The following NOL4 variants were observed in gnomAD, a reference collection of about 807,000 sequenced individuals.
NOL4 encodes the protein nucleolar protein 4, also known as cancer/testis antigen 125.
NOL4 carries 17 observed loss-of-function variants against 75.9 expected under a neutral mutation model. The observed-to-expected ratio is 0.22, with a 90% CI of 0.15 to 0.34. NOL4 has a LOEUF of 0.34. Ranked by LOEUF, NOL4 falls within the 10% of genes least tolerant of loss-of-function variation. The pLI, the probability that NOL4 is intolerant of heterozygous loss-of-function variation, is 1.00. For missense variants in NOL4, 614 were observed against 793.5 expected, an observed-to-expected ratio of 0.77 and a Z score of 2.72; for synonymous variants, 292 against 289.9, an observed-to-expected ratio of 1.01 and a Z score of -0.07.
At chr18:34,163,382 T>C (rs9956887) in intron 1 of NOL4, among the ~76,000 whole-genome samples, 75,141 of 150,000 alleles carry the variant, frequency 0.5, 18,976 homozygotes, top group Admixed American at 0.56. Flanking sequence ...TGATAGGCAA[T>C]TTCAGCAAAG....
intron 5 of NOL4, among the ~76,000 whole-genome samples, chr18:34,029,698 C>T (rs2075537950): frequency 1.3e-5 from 2 of 152,122 alleles, no homozygotes. Flanking sequence ...TCTCTGAGGG[C>T]ACAGAAACTT....
chr18:33,985,409 A>G (rs1206590631), intron 6 of NOL4, among the ~76,000 whole-genome samples: 3 of 152,136 alleles, frequency 2.0e-5, no homozygotes, highest in African/African-American at 4.8e-5. Flanking sequence ...TTTTGATTAC[A>G]TAAAATGTTA....
At chr18:34,081,980 T>C (rs1661881856) in intron 5 of NOL4, among the ~76,000 whole-genome samples, 2 of 152,182 alleles carry the variant, frequency 1.3e-5, no homozygotes, top group Admixed American at 1.3e-4. Context: ...TTAATTTCTT[T>C]ATAACAATGC....
Position 34,062,152 on chromosome 18 carries a change from T to A in NOL4, c.772+31313A>T, listed in dbSNP as rs578027834. Among the ~76,000 whole-genome samples, 3 of 152,238 alleles carry A rather than the reference T, an allele frequency of 2.0e-5. No individual in the cohort carries two copies. In the East Asian group the frequency reaches 5.8e-4, roughly 29 times the overall value. ...CAATGAGAACATGCCGTATTTGGTA[T>A]TCTGTTCACCGACGTAACAAACCTG... On this transcript the variant is annotated intron_variant, in intron 5 of 10. Coordinates refer to ENST00000261592, the MANE Select transcript of NOL4 (RefSeq NM_003787.5).
At chr18:33,924,784 A>G (rs1258179073) in intron 9 of NOL4, among the ~76,000 whole-genome samples, 1 of 152,338 alleles carries the variant, frequency 6.6e-6, no homozygotes. Context: ...TTGTTGCTAC[A>G]TAGAGAACTA....
chr18:34,093,292 T>C (rs938176560), intron 5 of NOL4, among the ~76,000 whole-genome samples, 173 bp downstream of exon 5: 1 of 152,150 alleles, frequency 6.6e-6, no homozygotes, highest in Non-Finnish European at 1.5e-5. Flanking sequence ...CAGTTTTGAA[T>C]TAAAAAATAG....
intron 10 of NOL4, among the ~76,000 whole-genome samples, chr18:33,871,490 G>C (rs1812898): frequency 0.22 from 33,990 of 151,854 alleles, 4,021 homozygotes; most frequent in East Asian, 0.38. Flanking sequence ...GGTGAGACCA[G>C]TGATATTTAA....
At chr18:34,154,941 C>T (rs1388989062) in intron 1 of NOL4, among the ~76,000 whole-genome samples, 14 of 151,938 alleles carry the variant, frequency 9.2e-5, no homozygotes, top group Admixed American at 9.2e-4. Context: ...TAGACGCCCT[C>T]TTTTGTTGAA....
intron 10 of NOL4, 72 bp from the exon 11 acceptor site, chr18:33,853,107 T>A: frequency 8.0e-7 from 1 of 1,246,034 alleles, no homozygotes; most frequent in Non-Finnish European, 1.1e-6. Flanking sequence ...GAGCATTCAA[T>A]AAATTATAGT....
chr18:33,881,485 T>A (rs867487994), intron 10 of NOL4, among the ~76,000 whole-genome samples: 2 of 152,034 alleles, frequency 1.3e-5, no homozygotes, highest in Middle Eastern at 3.4e-3. Flanking sequence ...CCATTCAGTA[T>A]GATATTGGCT....
intron 1 of NOL4, chr18:34,222,280 T>C (rs2037372285): frequency 7.5e-7 from 1 of 1,339,218 alleles, no homozygotes; most frequent in African/African-American, 1.5e-5. Context: ...TAAACCCATC[T>C]TTCTTTGTTG....
intron 1 of NOL4, chr18:34,156,676 A>G (rs1319533765): frequency 6.6e-6 from 1 of 152,434 alleles, no homozygotes; most frequent in East Asian, 1.9e-4. Context: ...CTACTTCCAT[A>G]CCACTGTCAT....
In NOL4 at chr18:34,103,990, G is replaced by A. The variant is rs1032231394; in HGVS notation, c.639+57C>T. Reference sequence around the variant, plus strand: ...CATCATGCTTAATATGATAGTCATGGTTATCAAGCTTCGTTCCAATTTGTA... The same window carrying A: ...CATCATGCTTAATATGATAGTCATGATTATCAAGCTTCGTTCCAATTTGTA... On this transcript the variant is annotated intron_variant, in intron 4 of 10. Coordinates refer to ENST00000261592, the MANE Select transcript of NOL4 (RefSeq NM_003787.5). 5.2e-6 allele frequency: 6 copies of A among 1,147,386 alleles called. No homozygotes were observed. In the East Asian group the frequency reaches 1.4e-4, roughly 27 times the overall value. The allele number at this position is 1,147,386 out of a possible 1,614,324, so 71.1% of individuals were successfully genotyped here.
intron 5 of NOL4, among the ~76,000 whole-genome samples, chr18:34,041,180 A>G (rs780584187): frequency 2.6e-5 from 4 of 151,966 alleles, no homozygotes; most frequent in Non-Finnish European, 5.9e-5. Context: ...GATAAAAACT[A>G]TGATATAAAT....
At chr18:34,110,045 G>A (rs1180956037) in intron 2 of NOL4, among the ~76,000 whole-genome samples, 1 of 145,132 alleles carries the variant, frequency 6.9e-6, no homozygotes, top group East Asian at 2.1e-4. Context: ...AGGACCTGAC[G>A]GCTTCACTGG....
intron 1 of NOL4, among the ~76,000 whole-genome samples, chr18:34,177,923 A>C (rs1420414830): frequency 6.6e-6 from 1 of 151,850 alleles, no homozygotes; most frequent in Non-Finnish European, 1.5e-5. Flanking sequence ...AGAAATAAAG[A>C]CCTCTACTAA....
At chr18:34,094,064 C>A (rs569634590) in intron 4 of NOL4, among the ~76,000 whole-genome samples, 28 of 151,732 alleles carry the variant, frequency 1.8e-4, no homozygotes, top group South Asian at 1.0e-3. Context: ...AACAAACAAA[C>A]AAAAAAACAA....
At chr18:34,194,913 ACTC>A in intron 1 of NOL4, among the ~76,000 whole-genome samples, 1 of 151,758 alleles carries the variant, frequency 6.6e-6, no homozygotes, top group Admixed American at 6.6e-5. Context: ...AATCCTAGCT[ACTC>A]GTGAGGCTAG....
chr18:33,987,709 C>A (rs1431347124), intron 6 of NOL4, among the ~76,000 whole-genome samples: 6 of 151,934 alleles, frequency 3.9e-5, no homozygotes, highest in African/African-American at 1.4e-4. Context: ...GGTATTAGAG[C>A]CAGGATTTAT....
Sources: gnomAD v4.1 joint callset for allele counts (sites outside exome capture counted in the v4.1 genomes callset) on GRCh38, gnomAD v4.1.1 for gene constraint, MANE v1.5 for transcripts, NCBI Gene and HGNC (gene_info 2026-07-23, HGNC 2026-07-21) for gene names.